The following NRG3 variants were observed in gnomAD, a reference collection of about 807,000 sequenced individuals.
The protein encoded by NRG3 is pro-neuregulin-3, membrane-bound isoform.
NRG3 carries 31 observed loss-of-function variants against 66.9 expected under a neutral mutation model. The ratio of observed to expected loss-of-function variants is 0.46; its 90% CI spans 0.35 to 0.63. The LOEUF is 0.63. Among genes scored for constraint, NRG3 ranks in the 20% least tolerant of loss-of-function variants. The pLI, the probability that NRG3 is intolerant of heterozygous loss-of-function variation, is 0.00. For missense variants in NRG3, 910 were observed against 878.9 expected (o/e 1.04, Z -0.45); for synonymous variants, 393 against 359.4 (o/e 1.09, Z -1.06).
At chr10:81,883,044 A>G (rs1384911592) in intron 1 of NRG3, among the ~76,000 whole-genome samples, 1 of 152,144 alleles carries the variant, frequency 6.6e-6, no homozygotes, top group African/African-American at 2.4e-5. Context: ...ATAAAGCAAA[A>G]TATGTCCTAG....
At chr10:82,073,930 C>T (rs538334794) in intron 1 of NRG3, among the ~76,000 whole-genome samples, 7 of 152,118 alleles carry the variant, frequency 4.6e-5, no homozygotes, top group Admixed American at 6.5e-5. Context: ...CAAATTAAAC[C>T]GAATTCCTGT....
chr10:82,754,611 C>A (rs1266065642), intron 3 of NRG3, among the ~76,000 whole-genome samples: 1 of 150,544 alleles, frequency 6.6e-6, no homozygotes, highest in African/African-American at 2.4e-5. Flanking sequence ...TTATTTTTTT[C>A]ATAGCCAGGA....
At chr10:82,686,762 C>T (rs1374140286) in intron 2 of NRG3, among the ~76,000 whole-genome samples, 1 of 152,164 alleles carries the variant, frequency 6.6e-6, no homozygotes, top group African/African-American at 2.4e-5. Context: ...AGTAGCCCTC[C>T]GTTTTGACTT....
At chr10:82,628,738 C>T (rs1292081653) in intron 2 of NRG3, among the ~76,000 whole-genome samples, 2 of 152,154 alleles carry the variant, frequency 1.3e-5, no homozygotes, top group African/African-American at 4.8e-5. Context: ...TCTGTCATTT[C>T]AGGAACAGTT....
At chr10:82,502,158 A>C (rs946803014) in intron 2 of NRG3, among the ~76,000 whole-genome samples, 2 of 152,160 alleles carry the variant, frequency 1.3e-5, no homozygotes, top group African/African-American at 4.8e-5. Flanking sequence ...CTCTAAAAAA[A>C]TTAGGGTTTT....
At chr10:82,043,190 C>G (rs1386241465) in intron 1 of NRG3, among the ~76,000 whole-genome samples, 1 of 151,962 alleles carries the variant, frequency 6.6e-6, no homozygotes, top group African/African-American at 2.4e-5. Flanking sequence ...TGATGAGTCT[C>G]TTAGTGCTTA....
intron 1 of NRG3, among the ~76,000 whole-genome samples, chr10:82,311,341 A>G (rs2081015919): frequency 6.6e-6 from 1 of 152,164 alleles, no homozygotes; most frequent in Non-Finnish European, 1.5e-5. Context: ...GAGATCATAC[A>G]ACATTCCCTA....
At chr10:82,251,538 G>A (rs746098295) in intron 1 of NRG3, among the ~76,000 whole-genome samples, 5 of 152,084 alleles carry the variant, frequency 3.3e-5, no homozygotes, top group African/African-American at 7.2e-5. Flanking sequence ...GAACTGCTTC[G>A]TGATCCTGAC....
intron 1 of NRG3, among the ~76,000 whole-genome samples, chr10:82,070,735 A>C (rs1040510889): frequency 3.3e-5 from 5 of 152,186 alleles, no homozygotes; most frequent in African/African-American, 9.6e-5. Flanking sequence ...CTACCAAGAA[A>C]CATTTAAAAA....
At chr10:82,534,139 AT>A (rs1457701364) in intron 2 of NRG3, among the ~76,000 whole-genome samples, 1 of 152,180 alleles carries the variant, frequency 6.6e-6, no homozygotes, top group African/African-American at 2.4e-5. Flanking sequence ...ATGGAAAGGT[AT>A]TTTGTTTTCA....
intron 2 of NRG3, among the ~76,000 whole-genome samples, chr10:82,425,624 G>T (rs555127657): frequency 6.6e-6 from 1 of 151,910 alleles, no homozygotes; most frequent in Admixed American, 6.6e-5. Context: ...TTTTCTTTTG[G>T]TGTGACTTGT....
intron 1 of NRG3, among the ~76,000 whole-genome samples, chr10:82,080,159 C>T (rs1268366766): frequency 6.6e-6 from 1 of 152,130 alleles, no homozygotes; most frequent in Non-Finnish European, 1.5e-5. Context: ...AGTCCCCATC[C>T]TCATACATCC....
intron 1 of NRG3, among the ~76,000 whole-genome samples, chr10:82,153,857 G>C (rs1363838373): frequency 6.6e-6 from 1 of 151,734 alleles, no homozygotes; most frequent in African/African-American, 2.4e-5. Context: ...CCATTTGTAT[G>C]TCTTCTTTTA....
intron 1 of NRG3, among the ~76,000 whole-genome samples, chr10:82,026,743 G>A (rs1413544066): frequency 1.3e-5 from 2 of 151,874 alleles, no homozygotes; most frequent in Admixed American, 6.6e-5. Flanking sequence ...CTGAAAAAGA[G>A]CAAGGCCTGT....
At chr10:82,766,930 A>C (rs1229422218) in intron 3 of NRG3, among the ~76,000 whole-genome samples, 1 of 150,908 alleles carries the variant, frequency 6.6e-6, no homozygotes, top group African/African-American at 2.4e-5. Flanking sequence ...CCTTACTCAT[A>C]GGTATATTTT....
At chr10:82,154,946 T>C (rs1432426774) in intron 1 of NRG3, among the ~76,000 whole-genome samples, 2 of 151,834 alleles carry the variant, frequency 1.3e-5, no homozygotes, top group African/African-American at 4.8e-5. Flanking sequence ...CTAACAACTT[T>C]AGGTGAACAC....
intron 1 of NRG3, among the ~76,000 whole-genome samples, chr10:82,124,200 C>T (rs1306321369): frequency 6.6e-6 from 1 of 151,856 alleles, no homozygotes; most frequent in African/African-American, 2.4e-5. Context: ...AATAGGATAG[C>T]GTTATGGAGA....
intron 1 of NRG3, among the ~76,000 whole-genome samples, chr10:82,125,402 A>G (rs1451413002): frequency 6.6e-6 from 1 of 152,098 alleles, no homozygotes. Flanking sequence ...TAAACCTGAA[A>G]TAAAACCTTA....
chr10:82,912,012 A>G (rs1268934395), intron 4 of NRG3, among the ~76,000 whole-genome samples: 2 of 151,956 alleles, frequency 1.3e-5, no homozygotes, highest in Non-Finnish European at 2.9e-5. Flanking sequence ...TCTTATTTAT[A>G]TTTTAATCCC....
Sources: allele counts gnomAD v4.1 joint callset (sites outside exome capture counted in the v4.1 genomes callset), GRCh38; gene constraint gnomAD v4.1.1; transcripts MANE v1.5; gene names NCBI Gene and HGNC (gene_info 2026-07-23, HGNC 2026-07-21).